The following ARHGAP45 variants were observed in gnomAD, a reference collection of about 807,000 sequenced individuals.
The protein encoded by ARHGAP45 is Rho GTPase activating protein 45, also known as rho GTPase-activating protein 45.
In ARHGAP45, 56 loss-of-function variants were observed where a neutral mutation model predicts 116.1. That is an observed-to-expected ratio of 0.48 (90% CI 0.39 to 0.60). ARHGAP45 has a LOEUF of 0.60. ARHGAP45 is among the 20% of genes least tolerant of loss of function. ARHGAP45 has a pLI of 0.00. For synonymous variants in ARHGAP45, 866 were observed against 701.7 expected (o/e 1.23, Z -3.70); for missense variants, 1,622 against 1,601.0 (o/e 1.01, Z -0.22).
At chr19:1,083,571 C>T (rs1002421439) in intron 21 of ARHGAP45, among the ~76,000 whole-genome samples, 1 of 152,170 alleles carries the variant, frequency 6.6e-6, no homozygotes, top group Admixed American at 6.5e-5. Context: ...GCTCTGCGGC[C>T]GCCCCTCCAC....
chr19:1,083,276 G>A lies in ARHGAP45; in HGVS notation c.2878G>A (p.Ala960Thr). ...LSSLVDYPHQ[A>T]RVIETLIVHY... Reference sequence around the variant, plus strand: ...CTCCCTGGTGGATTATCCCCATCAGGCCCGCGTCATCGAGACTCTCATCGT... The same window carrying A: ...CTCCCTGGTGGATTATCCCCATCAGACCCGCGTCATCGAGACTCTCATCGT... Residue 960 changes from alanine (A) to threonine (T), a missense_variant, in exon 21 of 23, where the codon GCC (alanine) becomes ACC (threonine). Around this residue, in one of 3 missense-constraint regions of ARHGAP45, gnomAD observed 1,334 missense variants for 1,263.8 expected, o/e 1.06. Coordinates refer to ENST00000313093, the MANE Select transcript of ARHGAP45 (RefSeq NM_012292.5). The A allele has an allele frequency of 6.3e-7, 1 of 1,594,694 alleles. No homozygotes were observed. Among genetic ancestry groups the A allele is most frequent in the South Asian group, 1.1e-5 (1 of 88,230 alleles).
intron 13 of ARHGAP45, 48 bp downstream of exon 13, chr19:1,080,166 G>A: frequency 6.2e-7 from 1 of 1,610,034 alleles, no homozygotes; most frequent in Non-Finnish European, 8.5e-7. Context: ...GCCCTGCCTG[G>A]GAGCCGGGCT....
chr19:1,083,310 G>C lies in ARHGAP45; in HGVS notation c.2912G>C (p.Gly971Ala). 1 of 1,571,962 alleles carries C rather than the reference G, an allele frequency of 6.4e-7. No homozygotes were observed. The highest frequency in any genetic ancestry group is 8.6e-7 in the Non-Finnish European group (1 of 1,158,790). The change falls in exon 21 of 23, where the codon GGC becomes GCC. Residue 971 changes from glycine to alanine, a missense_variant. Around this residue, in one of 3 missense-constraint regions of ARHGAP45, gnomAD observed 1,334 missense variants for 1,263.8 expected, o/e 1.06. Coordinates refer to ENST00000313093, the MANE Select transcript of ARHGAP45 (RefSeq NM_012292.5). ...ATCGAGACTCTCATCGTCCACTACG[G>C]CCTGGTCTTCGAGGAGGAGCCGGAG... The part of the protein sequence containing the change: ...RVIETLIVHY[G>A]LVFEEEPEET...
At chr19:1,081,106 G>C (rs1484159265) in intron 17 of ARHGAP45, 42 bp downstream of exon 17, 9 of 1,562,064 alleles carry the variant, frequency 5.8e-6, no homozygotes, top group South Asian at 1.2e-5. Flanking sequence ...GCCTTCGGGA[G>C]CCTTTGGGGT....
At position 1,083,909 on chromosome 19, in the gene ARHGAP45, T is replaced by C. The variant is rs1256462839; in HGVS notation, c.2956-329T>C. Among the ~76,000 whole-genome samples, 4 of 152,202 alleles carry C rather than the reference T, an allele frequency of 2.6e-5. No homozygotes were observed. The East Asian group carries it at 7.7e-4, about 29-fold the overall frequency. On this transcript the variant is annotated intron_variant, in intron 21 of 22. Transcript: ENST00000313093. ...GCGCCGGCCACCACACCCGGCTAAT[T>C]TTTGTATTTTTAACAGAGATGGGGT...
intron 1 of ARHGAP45, among the ~76,000 whole-genome samples, chr19:1,067,887 TCCTCTA>T (rs1318385107): frequency 7.1e-6 from 1 of 141,640 alleles, no homozygotes; most frequent in Non-Finnish European, 1.5e-5. Context: ...GGGCAGCAGA[TCCTCTA>T]ATGGGATCCA....
chr19:1,073,296 A>G lies in ARHGAP45; in HGVS notation c.565+4A>G. On this transcript the variant is annotated splice_donor_region_variant and intron_variant, in intron 3 of 22. Transcript: ENST00000313093. Reference sequence around the variant, plus strand: ...ACCCTCATTGCCAAGGTCAAAGGTCAGCCTGCTGGAACAGGGCTGCGAGGG... The same window carrying G: ...ACCCTCATTGCCAAGGTCAAAGGTCGGCCTGCTGGAACAGGGCTGCGAGGG... 6.2e-7 allele frequency: 1 copy of G among 1,612,948 alleles called. No individual in the cohort carries two copies. Among genetic ancestry groups the G allele is most frequent in the Non-Finnish European group, 8.5e-7 (1 of 1,179,774 alleles).
rs5826720 is a variant in ARHGAP45, at chr19:1,069,816, CTTT to C, written c.421+1088_421+1090del. Among the ~76,000 whole-genome samples the C allele has an allele frequency of 1.5e-5, 2 of 132,122 alleles. No individual in the cohort carries two copies. The highest frequency in any genetic ancestry group is 3.2e-5 in the Non-Finnish European group (2 of 62,702). The allele number at this position is 132,122 out of a possible 152,430, so 86.7% of individuals were successfully genotyped here. A position where few individuals can be genotyped will look rare whatever the true frequency, so the allele number is the denominator to read the frequency against. On this transcript the variant is annotated intron_variant, in intron 2 of 22. Transcript: ENST00000313093. The surrounding 1 kb of genome is among the most constrained non-coding windows in gnomAD (Gnocchi z 4.1). ...GAACTGGGCCAGCCAGGGTGGGGCA[CTTT>C]TTTTTTTTTTTTTTTGATACAGGGT...
Position 1,085,936 on chromosome 19 carries a change from C to T in ARHGAP45, c.3341C>T (p.Pro1114Leu), listed in dbSNP as rs768204565. 3 of 1,612,968 alleles carry T rather than the reference C, an allele frequency of 1.9e-6. No homozygotes were observed. The highest frequency in any genetic ancestry group is 2.5e-6 in the Non-Finnish European group (3 of 1,179,962). ...QSNNVLQAPLPPMRLRGGRMT... is the reference protein window; with the variant it reads ...QSNNVLQAPLLPMRLRGGRMT... The stretch of plus-strand genomic sequence containing the variant: ...AACAACGTGCTGCAGGCCCCACTGC[C>T]CCCCATGAGGCTCCGTGGCGGGCGG... Residue 1114 changes from proline (P) to leucine (L), a missense_variant, in exon 23 of 23, where the codon CCC becomes CTC. Transcript: ENST00000313093.
chr19:1,068,552 T>A lies in ARHGAP45; in HGVS notation c.229T>A (p.Phe77Ile), dbSNP rs754175046. ...GAGCCGCCACGCCAGCGCGGCTGGC[T>A]TCCCCCTGTCGGGTGCTGCCTCCTG... ...SLSRHASAAG[F>I]PLSGAASWTL... The change falls in exon 2 of 23, where the codon TTC (phenylalanine) becomes ATC (isoleucine). Residue 77 changes from phenylalanine (F) to isoleucine (I), a missense_variant. Phe to Ile is a conservative substitution (Grantham distance 21). Coordinates refer to ENST00000313093, the MANE Select transcript of ARHGAP45 (RefSeq NM_012292.5). The surrounding 1 kb of genome is among the most constrained non-coding windows in gnomAD (Gnocchi z 7.5). 6.2e-7 allele frequency: 1 copy of A among 1,609,630 alleles called. No homozygotes were observed. Among genetic ancestry groups the A allele is most frequent in the East Asian group, 2.2e-5 (1 of 44,800 alleles).
In ARHGAP45 at chr19:1,067,168, C is replaced by T. The variant is rs1295763432; in HGVS notation, c.-238C>T. The T allele has an allele frequency of 2.4e-6, 3 of 1,244,340 alleles. No individual in the cohort carries two copies. Among genetic ancestry groups the T allele is most frequent in the Non-Finnish European group, 3.0e-6 (3 of 993,758 alleles). 77.1% of individuals were successfully genotyped at this position (1,244,340 alleles called of 1,614,324 possible). A position where few individuals can be genotyped will look rare whatever the true frequency, so the allele number is the denominator to read the frequency against. ...GCCTGCGACCTCACCTTCGCGCCCA[C>T]TCCGCAGAGCCGCAGGCTGAGGCCG... On this transcript the variant is annotated 5_prime_UTR_variant, in exon 1 of 23. Transcript: ENST00000313093.
At chr19:1,076,481 GTCTTTTTTTTTTTT>G (rs2043251602) in intron 10 of ARHGAP45, among the ~76,000 whole-genome samples, 1 of 104,150 alleles carries the variant, frequency 9.6e-6, no homozygotes, top group African/African-American at 3.9e-5. Flanking sequence ...GTTGGCAGTA[GTCTTTTTTTTTTTT>G]TTTTTTTTTT....
chr19:1,074,665 G>A lies in ARHGAP45; in HGVS notation c.1045G>A (p.Glu349Lys). 1 of 1,611,062 alleles carries A rather than the reference G, an allele frequency of 6.2e-7. No homozygotes were observed. Among genetic ancestry groups the A allele is most frequent in the Non-Finnish European group, 8.5e-7 (1 of 1,179,348 alleles). ...CTCGCTGGCCCTGGAGCAGGACCTG[G>A]AGTTCGGCCACAGCATGGTGCAGGC... ...IYSLALEQDL[E>K]FGHSMVQAVG... The change falls in exon 9 of 23, where the codon GAG becomes AAG. Residue 349 changes from glutamate to lysine, a missense_variant. Around this residue, in one of 3 missense-constraint regions of ARHGAP45, gnomAD observed 1,334 missense variants for 1,263.8 expected, o/e 1.06. Transcript: ENST00000313093.
At position 1,085,799 on chromosome 19, in the gene ARHGAP45, T is replaced by A. The variant is rs1422379621; in HGVS notation, c.3204T>A (p.Ser1068=). 3 of 1,612,656 alleles carry A rather than the reference T, an allele frequency of 1.9e-6. No individual in the cohort carries two copies. In the South Asian group the frequency reaches 3.3e-5, roughly 18 times the overall value. The change falls in exon 23 of 23, where the codon TCT becomes TCA. Residue 1068 remains serine (S), a synonymous_variant. Coordinates refer to ENST00000313093, the MANE Select transcript of ARHGAP45 (RefSeq NM_012292.5). The part of the protein sequence containing the change: ...QQSEASLEVA[S]GSHSGSEEQL... ...GCGAGGCCAGCCTAGAGGTGGCTTC[T>A]GGCAGCCACAGCGGCAGTGAGGAGC...
Position 1,069,236 on chromosome 19 carries a change from G to T in ARHGAP45, c.421+492G>T, listed in dbSNP as rs2043094793. Among the ~76,000 whole-genome samples the T allele has an allele frequency of 6.6e-6, 1 of 152,150 alleles. No homozygotes were observed. Among genetic ancestry groups the T allele is most frequent in the Non-Finnish European group, 1.5e-5 (1 of 68,030 alleles). On this transcript the variant is annotated intron_variant, in intron 2 of 22. Transcript: ENST00000313093. The surrounding 1 kb of genome is among the most constrained non-coding windows in gnomAD (Gnocchi z 4.1). ...GGTGGAGAGAGATTCAGGAGGCATG[G>T]CGAGGGGCAGGATGGGGTCATCAGG...
In ARHGAP45 at chr19:1,069,818, T is replaced by TC. The variant is rs1179022435; in HGVS notation, c.421+1074_421+1075insC. Among the ~76,000 whole-genome samples the TC allele has an allele frequency of 7.4e-6, 1 of 135,396 alleles. No individual in the cohort carries two copies. The highest frequency in any genetic ancestry group is 1.5e-5 in the Non-Finnish European group (1 of 65,844). 88.8% of individuals were successfully genotyped at this position (135,396 alleles called of 152,430 possible). ...ACTGGGCCAGCCAGGGTGGGGCACT[T>TC]TTTTTTTTTTTTTTTTGATACAGGG... On this transcript the variant is annotated intron_variant, in intron 2 of 22. Coordinates refer to ENST00000313093, the MANE Select transcript of ARHGAP45 (RefSeq NM_012292.5). This position sits in a 1 kb window ranked among gnomAD's most constrained non-coding sequence, Gnocchi z 4.1.
chr19:1,077,709 G>A (rs560562753), intron 10 of ARHGAP45, 148 bp from the exon 11 acceptor site: 114 of 1,490,834 alleles, frequency 7.6e-5, no homozygotes, highest in African/African-American at 4.3e-4. Flanking sequence ...TTCCGCTGCC[G>A]ATTGTTGTGC....
At chr19:1,082,430 G>A in intron 19 of ARHGAP45, 1 of 321,400 alleles carries the variant, frequency 3.1e-6, no homozygotes, top group Non-Finnish European at 5.8e-6. Flanking sequence ...GCGAGGCTGG[G>A]GCCAGGGGCG....
rs150994364 is a variant in ARHGAP45, at chr19:1,080,477, C to A, written c.1842C>A (p.His614Gln). 1 of 1,612,858 alleles carries A rather than the reference C, an allele frequency of 6.2e-7. No individual in the cohort carries two copies. Among genetic ancestry groups the A allele is most frequent in the Non-Finnish European group, 8.5e-7 (1 of 1,179,954 alleles). The part of the protein sequence containing the change: ...PAKDHRAGRG[H>Q]QVHKSWPLSI... The stretch of plus-strand genomic sequence containing the variant: ...CTCTTTCTCCAGCCGGGCGAGGACA[C>A]CAGGTTCACAAGTCATGGCCGCTCT... The change falls in exon 15 of 23, where the codon CAC (histidine) becomes CAA (glutamine). Residue 614 changes from histidine to glutamine, a missense_variant. By Grantham distance (24) the His-to-Gln change is conservative. Around this residue, in one of 3 missense-constraint regions of ARHGAP45, gnomAD observed 1,334 missense variants for 1,263.8 expected, o/e 1.06. Transcript: ENST00000313093.
Sources: allele counts gnomAD v4.1 joint callset (sites outside exome capture counted in the v4.1 genomes callset), GRCh38; gene constraint gnomAD v4.1.1; regional missense constraint gnomAD v4.1.1; non-coding constraint Gnocchi (gnomAD v3.1); transcripts MANE v1.5; gene names NCBI Gene and HGNC (gene_info 2026-07-23, HGNC 2026-07-21).